ZFHX3: variants seen among roughly 807,000 people sequenced by gnomAD.
ZFHX3 encodes the protein zinc finger homeobox 3, also known as zinc finger homeobox protein 3.
A neutral mutation model predicts 279.1 loss-of-function variants in ZFHX3; 42 were observed. That is an observed-to-expected ratio of 0.15 (90% CI 0.12 to 0.19). The LOEUF (loss-of-function observed/expected upper bound fraction) is 0.19, where lower values mean the gene tolerates loss of function less well. ZFHX3 is among the 10% of genes least tolerant of loss of function. ZFHX3 has a pLI of 1.00. For synonymous variants in ZFHX3, 2,293 were observed against 1,957.8 expected (o/e 1.17, Z -4.52); for missense variants, 4,981 against 4,754.0 (o/e 1.05, Z -1.40).
intron 5 of ZFHX3, among the ~76,000 whole-genome samples, chr16:72,818,405 G>C (rs369973563): frequency 2.2e-4 from 34 of 152,314 alleles, no homozygotes; most frequent in South Asian, 1.2e-3. Context: ...TTTCTTACTT[G>C]AATCTCCTGT....
At chr16:72,837,360 C>G (rs1356438484) in intron 4 of ZFHX3, among the ~76,000 whole-genome samples, 1 of 152,106 alleles carries the variant, frequency 6.6e-6, no homozygotes, top group Non-Finnish European at 1.5e-5. Context: ...AAACTGCCTT[C>G]TCAAAGATGA....
intron 4 of ZFHX3, among the ~76,000 whole-genome samples, chr16:72,878,038 A>C (rs905689801): frequency 5.9e-5 from 9 of 151,772 alleles, no homozygotes; most frequent in Admixed American, 5.3e-4. Context: ...ACAAATGAAA[A>C]AACTAGCCAG....
intron 1 of ZFHX3, among the ~76,000 whole-genome samples, chr16:73,807,891 A>G (rs1960325556): frequency 6.6e-6 from 1 of 152,056 alleles, no homozygotes; most frequent in Non-Finnish European, 1.5e-5. Flanking sequence ...GTGCTAGGTT[A>G]CGTGTATCCA....
In ZFHX3 at chr16:73,024,706, T is replaced by C. The variant is rs912924435; in HGVS notation, c.-50+23046A>G. ...AAGCGGGTTACCCTGATTTGTGAGC[T>C]GATTATTCTAGAAGACTCCAGGGTC... On this transcript the variant is annotated intron_variant, in intron 1 of 9. Coordinates refer to ENST00000268489, the MANE Select transcript of ZFHX3 (RefSeq NM_006885.4). Among the ~76,000 whole-genome samples, 9 of 152,220 alleles carry C rather than the reference T, an allele frequency of 5.9e-5. No homozygotes were observed. In the South Asian group the frequency reaches 8.3e-4, roughly 14 times the overall value.
At chr16:73,848,707 T>C (rs1567429537) in intron 1 of ZFHX3, among the ~76,000 whole-genome samples, 1 of 152,244 alleles carries the variant, frequency 6.6e-6, no homozygotes, top group Non-Finnish European at 1.5e-5. Context: ...CATTCTGTGA[T>C]AACATCCTGA....
intron 5 of ZFHX3, among the ~76,000 whole-genome samples, chr16:73,225,653 C>T (rs1011506363): frequency 2.0e-5 from 3 of 152,044 alleles, no homozygotes; most frequent in African/African-American, 4.8e-5. Flanking sequence ...AGGGCATATC[C>T]GCCACAAGCT....
chr16:73,117,512 C>T (rs191020246), intron 7 of ZFHX3, among the ~76,000 whole-genome samples: 15 of 152,250 alleles, frequency 9.9e-5, no homozygotes, highest in East Asian at 1.9e-4. Context: ...ACTATGGTTA[C>T]GACCCAATGG....
At chr16:72,991,390 A>G (rs2144570542) in intron 1 of ZFHX3, among the ~76,000 whole-genome samples, 1 of 152,236 alleles carries the variant, frequency 6.6e-6, no homozygotes, top group South Asian at 2.1e-4. Flanking sequence ...ATAAAGAGGG[A>G]CTGCTGTCGT....
intron 1 of ZFHX3, among the ~76,000 whole-genome samples, chr16:73,692,202 T>C (rs2053155886): frequency 6.6e-6 from 1 of 152,144 alleles, no homozygotes; most frequent in Non-Finnish European, 1.5e-5. Context: ...ACACTTCTAA[T>C]AAATAGATTG....
chr16:72,885,340 C>G (rs1479152988), intron 4 of ZFHX3, among the ~76,000 whole-genome samples: 1 of 152,238 alleles, frequency 6.6e-6, no homozygotes, highest in African/African-American at 2.4e-5. Context: ...CGAGGCCTCT[C>G]AAGGAGTTAC....
chr16:73,706,669 C>T (rs916149561), intron 1 of ZFHX3, among the ~76,000 whole-genome samples: 1 of 152,064 alleles, frequency 6.6e-6, no homozygotes, highest in South Asian at 2.1e-4. Flanking sequence ...CTTGCTGGTC[C>T]CATAACAGTC....
Position 72,875,122 on chromosome 16 carries a change from C to T in ZFHX3, c.3448+14609G>A, listed in dbSNP as rs1480824148. Among the ~76,000 whole-genome samples the T allele has an allele frequency of 2.0e-5, 3 of 152,240 alleles. No individual in the cohort carries two copies. The East Asian group carries it at 5.8e-4, about 29-fold the overall frequency. ...CGTTTTAGTGCTCATACAACTCTAG[C>T]TGAGATTAACCAAGAAAACTGCCCC... On this transcript the variant is annotated intron_variant, in intron 4 of 9. Coordinates refer to ENST00000268489, the MANE Select transcript of ZFHX3 (RefSeq NM_006885.4).
intron 3 of ZFHX3, among the ~76,000 whole-genome samples, chr16:73,360,362 G>T (rs558412855): frequency 6.6e-6 from 1 of 152,254 alleles, no homozygotes; most frequent in South Asian, 2.1e-4. Flanking sequence ...GTTGTGAGAC[G>T]AAGGCTTACT....
intron 1 of ZFHX3, among the ~76,000 whole-genome samples, chr16:73,742,020 A>C (rs58173575): frequency 0.022 from 3,425 of 152,296 alleles, 127 homozygotes; most frequent in African/African-American, 0.079. Context: ...CATTAAGCAG[A>C]AATTTCTTCT....
At chr16:73,771,027 C>A (rs1054922248) in intron 1 of ZFHX3, among the ~76,000 whole-genome samples, 41 of 152,300 alleles carry the variant, frequency 2.7e-4, no homozygotes, top group African/African-American at 9.9e-4. Flanking sequence ...AGTCACTTCA[C>A]ATCTCTGGGC....
At position 72,950,668 on chromosome 16, in the gene ZFHX3, T is replaced by A; in HGVS notation, c.3017A>T (p.Asp1006Val). The A allele has an allele frequency of 6.2e-7, 1 of 1,614,220 alleles. No homozygotes were observed. The highest frequency in any genetic ancestry group is 8.5e-7 in the Non-Finnish European group (1 of 1,180,030). The change falls in exon 3 of 10, where the codon GAC (aspartate) becomes GTC (valine). Residue 1006 changes from aspartate (D) to valine (V), a missense_variant. By Grantham distance (152) the Asp-to-Val change is radical. This residue lies in a region of ZFHX3 where 1,751 missense variants were observed against 1,770.0 expected (regional missense o/e 0.99). Transcript: ENST00000268489. ...CAGCTGGTACTTCTGCACGTGCTTG[T>A]CTGTCTTGCAGTGCAGCTGGAAGTT... ...KANFQLHCKT[D>V]KHVQKYQLVA...
intron 4 of ZFHX3, among the ~76,000 whole-genome samples, chr16:72,864,438 CTT>C (rs1304163512): frequency 2.0e-5 from 3 of 149,380 alleles, no homozygotes; most frequent in Non-Finnish European, 4.5e-5. Flanking sequence ...GTCGTGCTCT[CTT>C]GTCTTTGTAG....
At chr16:73,705,405 G>A (rs1465585029) in intron 1 of ZFHX3, among the ~76,000 whole-genome samples, 1 of 152,120 alleles carries the variant, frequency 6.6e-6, no homozygotes, top group East Asian at 1.9e-4. Flanking sequence ...AAACCCCAAA[G>A]GCCAGATAAA....
chr16:73,489,289 T>C (rs1346025614), intron 2 of ZFHX3, among the ~76,000 whole-genome samples: 3 of 152,196 alleles, frequency 2.0e-5, no homozygotes, highest in Non-Finnish European at 4.4e-5. Flanking sequence ...TATTGGATCT[T>C]TATTTTTATC....
Sources: gnomAD v4.1 joint callset for allele counts (sites outside exome capture counted in the v4.1 genomes callset) on GRCh38, gnomAD v4.1.1 for gene constraint, gnomAD v4.1.1 regional missense constraint, MANE v1.5 for transcripts, NCBI Gene and HGNC (gene_info 2026-07-23, HGNC 2026-07-21) for gene names.